The following SYBU variants were observed in gnomAD, a reference collection of about 807,000 sequenced individuals.
SYBU encodes the protein syntabulin.
In SYBU, 21 loss-of-function variants were observed where a neutral mutation model predicts 35.9. The observed-to-expected ratio is 0.58, with a 90% confidence interval of 0.41 to 0.84. The LOEUF is 0.84. Ranked by LOEUF, SYBU falls within the 40% of genes least tolerant of loss-of-function variation. The pLI is 0.00. For missense variants in SYBU, 768 were observed against 848.2 expected (o/e 0.91, Z 1.17); for synonymous variants, 319 against 324.3 (o/e 0.98, Z 0.18).
intron 3 of SYBU, among the ~76,000 whole-genome samples, chr8:109,599,726 A>T (rs1037782437): frequency 2.2e-4 from 34 of 152,170 alleles, no homozygotes; most frequent in Non-Finnish European, 4.1e-4. Context: ...TACTCCAGAG[A>T]AGAAACCTCA....
chr8:109,660,350 A>C (rs891930935), intron 1 of SYBU, among the ~76,000 whole-genome samples: 10 of 152,166 alleles, frequency 6.6e-5, no homozygotes, highest in African/African-American at 1.9e-4. Flanking sequence ...GAGAGTTAAA[A>C]CTTTTGAACT....
At chr8:109,687,907 C>T (rs1294287472) in intron 1 of SYBU, among the ~76,000 whole-genome samples, 1 of 152,120 alleles carries the variant, frequency 6.6e-6, no homozygotes. Flanking sequence ...AATAGAAGTA[C>T]TCATTCTAAC....
rs1822109421 is a variant in SYBU, at chr8:109,575,296, C to G, written c.1602G>C (p.Glu534Asp). The part of the protein sequence containing the change: ...SEPDSMESFP[E>D]SLSALVVDLT... Reference sequence around the variant, plus strand: ...AATCAACCACTAAGGCAGAGAGGGACTCTGGGAAGCTCTCCATCGAGTCTG... The same window carrying G: ...AATCAACCACTAAGGCAGAGAGGGAGTCTGGGAAGCTCTCCATCGAGTCTG... The change falls in exon 7 of 7, where the codon GAG becomes GAC. Residue 534 changes from glutamate to aspartate, a missense_variant. Glu to Asp is a conservative substitution (Grantham distance 45, BLOSUM62 2). Transcript: ENST00000276646. 4 of 1,614,190 alleles carry G rather than the reference C, an allele frequency of 2.5e-6. No homozygotes were observed. In the East Asian group the frequency reaches 8.9e-5, roughly 36 times the overall value.
chr8:109,642,969 A>C, intron 1 of SYBU, 37 bp from the exon 2 acceptor site: 1 of 1,449,524 alleles, frequency 6.9e-7, no homozygotes, highest in Non-Finnish European at 9.1e-7. Context: ...ACAAAAGGAA[A>C]CGCGTTTCCC....
At chr8:109,653,569 G>A (rs1487303093) in intron 1 of SYBU, among the ~76,000 whole-genome samples, 1 of 152,180 alleles carries the variant, frequency 6.6e-6, no homozygotes, top group Non-Finnish European at 1.5e-5. Context: ...GAATGACACT[G>A]CATGCTCTTG....
At chr8:109,679,339 G>A (rs1250634117) in intron 1 of SYBU, among the ~76,000 whole-genome samples, 1 of 152,184 alleles carries the variant, frequency 6.6e-6, no homozygotes, top group East Asian at 1.9e-4. Flanking sequence ...AGTAGCTCAT[G>A]CTGCTGCTCT....
chr8:109,650,678 C>T (rs958667844), intron 1 of SYBU, among the ~76,000 whole-genome samples: 7 of 152,214 alleles, frequency 4.6e-5, no homozygotes, highest in Admixed American at 2.6e-4. Context: ...TCCTCTCTAA[C>T]GCACTGCAGA....
intron 2 of SYBU, among the ~76,000 whole-genome samples, chr8:109,637,422 T>C (rs1814347276): frequency 6.6e-6 from 1 of 152,228 alleles, no homozygotes; most frequent in Non-Finnish European, 1.5e-5. Flanking sequence ...CTTGGCAAAT[T>C]GCAGTTACCA....
intron 4 of SYBU, among the ~76,000 whole-genome samples, chr8:109,583,084 A>C (rs1439201437): frequency 6.6e-6 from 1 of 152,120 alleles, no homozygotes; most frequent in African/African-American, 2.4e-5. Flanking sequence ...TTACCATCAT[A>C]ACCACCACCA....
intron 2 of SYBU, among the ~76,000 whole-genome samples, chr8:109,635,593 C>T (rs1165780702): frequency 6.6e-6 from 1 of 152,188 alleles, no homozygotes; most frequent in African/African-American, 2.4e-5. Context: ...TGCCCTTCTC[C>T]CCAATCCTGC....
At chr8:109,642,443 A>G (rs1815010093) in intron 2 of SYBU, among the ~76,000 whole-genome samples, 1 of 152,244 alleles carries the variant, frequency 6.6e-6, no homozygotes, top group Admixed American at 6.5e-5. Flanking sequence ...TTAAAGTATA[A>G]TAAAACAAAG....
chr8:109,629,918 T>A, intron 2 of SYBU, among the ~76,000 whole-genome samples: 1 of 152,286 alleles, frequency 6.6e-6, no homozygotes, highest in South Asian at 2.1e-4. Flanking sequence ...TTTTTTCATG[T>A]GTTTTTTGGC....
At chr8:109,594,852 C>T (rs1241389842) in intron 3 of SYBU, among the ~76,000 whole-genome samples, 1 of 152,158 alleles carries the variant, frequency 6.6e-6, no homozygotes, top group Non-Finnish European at 1.5e-5. Flanking sequence ...CTCACTTGTA[C>T]TTTCAGTCTC....
chr8:109,618,676 T>C (rs1255090410), intron 3 of SYBU, 166 bp downstream of exon 3: 1 of 651,966 alleles, frequency 1.5e-6, no homozygotes. Context: ...TAAAAACCAT[T>C]TCAGAAAATA....
intron 1 of SYBU, among the ~76,000 whole-genome samples, chr8:109,671,966 A>T (rs1410737428): frequency 2.6e-5 from 4 of 152,084 alleles, no homozygotes; most frequent in Non-Finnish European, 5.9e-5. Flanking sequence ...CAATGGCATG[A>T]TCTCAGCTCA....
At chr8:109,645,459 C>G (rs1815560210), upstream of SYBU, 1 of 393,138 alleles carries the variant, frequency 2.5e-6, no homozygotes, top group Non-Finnish European at 5.1e-6. Flanking sequence ...AGAGAACAGT[C>G]TTTTCCCCAG....
At chr8:109,622,346 C>T (rs1222496412) in intron 2 of SYBU, among the ~76,000 whole-genome samples, 2 of 152,126 alleles carry the variant, frequency 1.3e-5, no homozygotes, top group African/African-American at 4.8e-5. Context: ...ATTCTCCTGC[C>T]TCAGCCTCCT....
At chr8:109,626,453 G>A (rs1812991412) in intron 2 of SYBU, among the ~76,000 whole-genome samples, 1 of 152,158 alleles carries the variant, frequency 6.6e-6, no homozygotes, top group African/African-American at 2.4e-5. Context: ...TTTTAAGGAA[G>A]TCTACCACAT....
chr8:109,646,288 A>T (rs963516649), upstream of SYBU: 1 of 152,164 alleles, frequency 6.6e-6, no homozygotes, highest in African/African-American at 2.4e-5. Context: ...TCGAAAACTG[A>T]GGGTCATTGT....
Sources: gnomAD v4.1 joint callset for allele counts (sites outside exome capture counted in the v4.1 genomes callset) on GRCh38, gnomAD v4.1.1 for gene constraint, MANE v1.5 for transcripts, NCBI Gene and HGNC (gene_info 2026-07-23, HGNC 2026-07-21) for gene names.